The following HARS1 variants were observed in gnomAD, a reference collection of about 807,000 sequenced individuals.
HARS1 encodes histidine--tRNA ligase, cytoplasmic.
HARS1 carries 45 observed loss-of-function variants against 63.6 expected under a neutral mutation model. The observed-to-expected ratio is 0.71, with a 90% confidence interval of 0.56 to 0.91. The LOEUF is 0.91. Among genes scored for constraint, HARS1 ranks in the 40% least tolerant of loss-of-function variants. HARS1 has a pLI of 0.00. For missense variants in HARS1, 508 were observed against 643.2 expected, an observed-to-expected ratio of 0.79 and a Z score of 2.27; for synonymous variants, 205 against 247.1, an observed-to-expected ratio of 0.83 and a Z score of 1.60.
intron 3 of HARS1, chr5:140,682,744 A>G (rs906364803): frequency 5.8e-6 from 1 of 171,050 alleles, no homozygotes; most frequent in African/African-American, 2.4e-5. Flanking sequence ...AAGAACTACT[A>G]ACAACTTCAG....
At chr5:140,686,215 G>A (rs1177535316) in intron 2 of HARS1, among the ~76,000 whole-genome samples, 1 of 150,506 alleles carries the variant, frequency 6.6e-6, no homozygotes, top group African/African-American at 2.4e-5. Flanking sequence ...TTACAGGCAT[G>A]AGCCACCTTG....
Position 140,675,057 on chromosome 5 carries a change from C to T in HARS1, c.1271G>A (p.Arg424Lys), listed in dbSNP as rs1010687306. ...ASAQKKLLEE[R>K]LKLVSELWDA... ...CCACAGTTCTGAGACAAGCTTTAGT[C>T]TTTCCTCTAGCAGCTTCTTCTGTGC... Residue 424 changes from arginine (R) to lysine (K), a missense_variant, in exon 11 of 13, where the codon AGA becomes AAA. Around this residue, in one of 2 missense-constraint regions of HARS1, gnomAD observed 403 missense variants for 548.7 expected, o/e 0.73. Coordinates refer to ENST00000504156, the MANE Select transcript of HARS1 (RefSeq NM_002109.6). 6.2e-7 allele frequency: 1 copy of T among 1,613,460 alleles called. No homozygotes were observed. Among genetic ancestry groups the T allele is most frequent in the Non-Finnish European group, 8.5e-7 (1 of 1,179,488 alleles).
intron 3 of HARS1, among the ~76,000 whole-genome samples, chr5:140,681,223 T>G (rs956495908): frequency 1.3e-5 from 2 of 151,958 alleles, no homozygotes; most frequent in Admixed American, 1.3e-4. Context: ...AAGTCCTAAC[T>G]CCCAGTAACC....
intron 2 of HARS1, chr5:140,684,161 G>A (rs921089918): frequency 2.5e-5 from 4 of 157,756 alleles, no homozygotes; most frequent in South Asian, 2.0e-4. Context: ...GTGGTGGCAG[G>A]TGCCTGTAGT....
At chr5:140,678,239 T>C in intron 5 of HARS1, 1 of 573,832 alleles carries the variant, frequency 1.7e-6, no homozygotes, top group Non-Finnish European at 3.1e-6. Context: ...TACTTCATCA[T>C]CTTCTTAACT....
At chr5:140,675,233 T>A in intron 10 of HARS1, 100 bp from the exon 11 acceptor site, 1 of 777,494 alleles carries the variant, frequency 1.3e-6, no homozygotes, top group Non-Finnish European at 2.3e-6. Context: ...AACTCAGCTC[T>A]ACCAGGGCAG....
rs1758289022 is a variant in HARS1, at chr5:140,675,134, C to T, written c.1195-1G>A. 1.3e-6 allele frequency: 2 copies of T among 1,579,378 alleles called. No individual in the cohort carries two copies. The highest frequency in any genetic ancestry group is 3.3e-5 in the Admixed American group (2 of 59,932). ...TGGTCCGTATCTTCTCCTCCAAAGCCTGGGGAAGGGGCAGATAAAAGAGAG... is the reference window on the plus strand; with the variant it reads ...TGGTCCGTATCTTCTCCTCCAAAGCTTGGGGAAGGGGCAGATAAAAGAGAG... On this transcript the variant is annotated splice_acceptor_variant, in intron 10 of 12. Transcript: ENST00000504156. LOFTEE classifies it high-confidence loss of function.
chr5:140,677,388 C>T lies in HARS1; in HGVS notation c.762G>A (p.Val254=). 6.2e-7 allele frequency: 1 copy of T among 1,613,872 alleles called. No homozygotes were observed. The highest frequency in any genetic ancestry group is 8.5e-7 in the Non-Finnish European group (1 of 1,179,794). ...CCTCAGGTGCAAGGCCCTTCTCTCC[C>T]ACCATCTCATTCTTCACCTCTTCCC... is the stretch of plus-strand genomic sequence containing the variant. ...VSWEEVKNEM[V]GEKGLAPEVA... The change falls in exon 8 of 13, where the codon GTG becomes GTA. Residue 254 remains valine (V), a synonymous_variant. Transcript: ENST00000504156.
chr5:140,683,123 C>G lies in HARS1; in HGVS notation c.277G>C (p.Asp93His), dbSNP rs749438333. The change falls in exon 3 of 13, where the codon GAT becomes CAT. Residue 93 changes from aspartate to histidine, a missense_variant. Physicochemically the swap from Asp to His is moderately conservative, Grantham distance 81. Coordinates refer to ENST00000504156, the MANE Select transcript of HARS1 (RefSeq NM_002109.6). Reference sequence around the variant, plus strand: ...ACCTTTAGTTCAAATACAGGTGTATCAATGACTTCTGCACCGTGGCGCTTG... The same window carrying G: ...ACCTTTAGTTCAAATACAGGTGTATGAATGACTTCTGCACCGTGGCGCTTG... ...CFKRHGAEVI[D>H]TPVFELKETL... is the part of the protein sequence containing the mutation. 37 of 1,613,836 alleles carry G rather than the reference C, an allele frequency of 2.3e-5. No individual in the cohort carries two copies. The highest frequency in any genetic ancestry group is 2.9e-5 in the Non-Finnish European group (34 of 1,179,838).
intron 5 of HARS1, 150 bp from the exon 6 acceptor site, chr5:140,678,165 G>T (rs1039105855): frequency 1.7e-6 from 1 of 605,700 alleles, no homozygotes; most frequent in Admixed American, 2.9e-5. Flanking sequence ...GTAAACCCCG[G>T]CATCTTTGGG....
chr5:140,676,871 C>T lies in HARS1; in HGVS notation c.977G>A (p.Arg326Gln), dbSNP rs765994836. 1.2e-6 allele frequency: 2 copies of T among 1,613,892 alleles called. No homozygotes were observed. The highest frequency in any genetic ancestry group is 2.2e-5 in the East Asian group (1 of 44,878). ...DKISFDLSLA[R>Q]GLDYYTGVIY... ...CACCCCAGTGTAGTAATCCAGCCCT[C>T]GAGCAAGGCTCAGGTCAAAGGAGAT... is the stretch of plus-strand genomic sequence containing the variant. The change falls in exon 10 of 13, where the codon CGA (arginine) becomes CAA (glutamine). Residue 326 changes from arginine (R) to glutamine (Q), a missense_variant. Around this residue, in one of 2 missense-constraint regions of HARS1, gnomAD observed 403 missense variants for 548.7 expected, o/e 0.73. Coordinates refer to ENST00000504156, the MANE Select transcript of HARS1 (RefSeq NM_002109.6). This position sits in a 1 kb window ranked among gnomAD's most constrained non-coding sequence, Gnocchi z 4.1.
chr5:140,681,435 T>C (rs1054552629), intron 3 of HARS1, among the ~76,000 whole-genome samples: 7 of 151,616 alleles, frequency 4.6e-5, no homozygotes, highest in Non-Finnish European at 7.4e-5. Context: ...GAGGCTGGGG[T>C]GGGCGAATCA....
chr5:140,682,924 AAAAG>A, intron 3 of HARS1, 172 bp downstream of exon 3: 1 of 555,006 alleles, frequency 1.8e-6, no homozygotes, highest in Non-Finnish European at 3.2e-6. Context: ...CCAAGATAAT[AAAAG>A]ACAGGGCCTC....
intron 2 of HARS1, among the ~76,000 whole-genome samples, chr5:140,686,260 G>T (rs765839241): frequency 1.5e-4 from 22 of 150,748 alleles, no homozygotes; most frequent in Admixed American, 1.3e-4. Flanking sequence ...TTGTTTTTGA[G>T]ATGGAGTCTC....
Position 140,674,211 on chromosome 5 carries a change from CA to C in HARS1, c.*45del. ...GTACATATGCAGTTTGTCTTAACCTCAAATAGTGCCAGTCCCACTTCCTTTC... is the reference window on the plus strand; with the variant it reads ...GTACATATGCAGTTTGTCTTAACCTCAATAGTGCCAGTCCCACTTCCTTTC... On this transcript the variant is annotated 3_prime_UTR_variant, in exon 13 of 13. Transcript: ENST00000504156. The C allele has an allele frequency of 8.2e-7, 1 of 1,214,116 alleles. No homozygotes were observed. Among genetic ancestry groups the C allele is most frequent in the Middle Eastern group, 1.9e-4 (1 of 5,292 alleles). 75.2% of individuals were successfully genotyped at this position (1,214,116 alleles called of 1,614,324 possible). A position where few individuals can be genotyped will look rare whatever the true frequency, so the allele number is the denominator to read the frequency against.
At position 140,690,957 on chromosome 5, in the gene HARS1, A is replaced by T. The variant is rs1759384277; in HGVS notation, c.91-13T>A. On this transcript the variant is annotated splice_polypyrimidine_tract_variant and intron_variant, in intron 1 of 12. Coordinates refer to ENST00000504156, the MANE Select transcript of HARS1 (RefSeq NM_002109.6). Reference sequence around the variant, plus strand: ...CCTCCTCCTCGATCTGTGGAGGGAAAGAAGGCGCTGAGCTATCCATCTGTC... The same window carrying T: ...CCTCCTCCTCGATCTGTGGAGGGAATGAAGGCGCTGAGCTATCCATCTGTC... 2 of 1,502,760 alleles carry T rather than the reference A, an allele frequency of 1.3e-6. No homozygotes were observed. The highest frequency in any genetic ancestry group is 1.4e-5 in the African/African-American group (1 of 72,790). 93.1% of individuals were successfully genotyped at this position (1,502,760 alleles called of 1,614,324 possible). A position where few individuals can be genotyped will look rare whatever the true frequency, so the allele number is the denominator to read the frequency against.
chr5:140,683,196 C>T lies in HARS1; in HGVS notation c.204G>A (p.Arg68=). Residue 68 remains arginine, a synonymous_variant, in exon 3 of 13, where the codon CGG becomes CGA. Coordinates refer to ENST00000504156, the MANE Select transcript of HARS1 (RefSeq NM_002109.6). ...ACACCTTCTCGCGAACTGCCATCTG[C>T]CGGGGACTATAGTCTCTTGTGCCCT... is the stretch of plus-strand genomic sequence containing the variant. ...TPKGTRDYSP[R]QMAVREKVFD... The T allele has an allele frequency of 6.2e-7, 1 of 1,613,944 alleles. No individual in the cohort carries two copies. Among genetic ancestry groups the T allele is most frequent in the Non-Finnish European group, 8.5e-7 (1 of 1,179,818 alleles).
rs373032755 is a variant in HARS1, at chr5:140,676,899, G to T, written c.952-3C>A. ...GCAAGGCTCAGGTCAAAGGAGATCT[G>T]TGGAGATAAGAAAATGGTCAGTGCC... is the stretch of plus-strand genomic sequence containing the variant. On this transcript the variant is annotated splice_polypyrimidine_tract_variant and splice_region_variant and intron_variant, in intron 9 of 12. Transcript: ENST00000504156. This position sits in a 1 kb window ranked among gnomAD's most constrained non-coding sequence, Gnocchi z 4.1. The T allele has an allele frequency of 1.9e-5, 31 of 1,613,008 alleles. No individual in the cohort carries two copies. In the African/African-American group the frequency reaches 3.7e-4, roughly 19 times the overall value.
intron 2 of HARS1, among the ~76,000 whole-genome samples, chr5:140,690,206 C>G (rs1281267753): frequency 1.3e-5 from 2 of 152,212 alleles, no homozygotes; most frequent in Non-Finnish European, 2.9e-5. Flanking sequence ...AATCCCAGCA[C>G]TTTGGGAGAC....
Sources: gnomAD v4.1 joint callset for allele counts (sites outside exome capture counted in the v4.1 genomes callset) on GRCh38, gnomAD v4.1.1 for gene constraint, gnomAD v4.1.1 regional missense constraint, Gnocchi (gnomAD v3.1) non-coding constraint, MANE v1.5 for transcripts, NCBI Gene and HGNC (gene_info 2026-07-23, HGNC 2026-07-21) for gene names.